The following MRAS variants were observed in gnomAD, a reference collection of about 807,000 sequenced individuals.
The protein encoded by MRAS is muscle RAS oncogene homolog.
Under a neutral mutation model 20.9 loss-of-function variants are expected in MRAS, and 4 were observed. The observed-to-expected ratio is 0.19, with a 90% confidence interval of 0.09 to 0.44. The LOEUF (loss-of-function observed/expected upper bound fraction) is 0.44, where lower values mean the gene tolerates loss of function less well. Ranked by LOEUF, MRAS falls within the 20% of genes least tolerant of loss-of-function variation. The probability of loss-of-function intolerance (pLI) is 0.99; values close to 1 mark genes in which losing one functional copy is unlikely to be tolerated. For missense variants in MRAS, 154 were observed against 277.5 expected (o/e 0.56, Z 3.16); for synonymous variants, 98 against 102.9 (o/e 0.95, Z 0.29).
intron 1 of MRAS, among the ~76,000 whole-genome samples, chr3:138,363,765 G>A (rs1286272302): frequency 2.0e-5 from 3 of 149,904 alleles, no homozygotes. Flanking sequence ...ATTTTTCTCT[G>A]GGCTCAGGTA....
At chr3:138,384,627 G>A (rs552318436) in intron 2 of MRAS, among the ~76,000 whole-genome samples, 1 of 152,248 alleles carries the variant, frequency 6.6e-6, no homozygotes, top group South Asian at 2.1e-4. Flanking sequence ...AAGTCAGGGT[G>A]GCAGCTGGAT....
At chr3:138,367,306 G>A (rs1446768396) in intron 1 of MRAS, among the ~76,000 whole-genome samples, 2 of 152,130 alleles carry the variant, frequency 1.3e-5, no homozygotes, top group Admixed American at 1.3e-4. Flanking sequence ...CTGTTTTATA[G>A]ATGGGGAAAC....
chr3:138,396,907 G>T (rs1028464804), intron 2 of MRAS, among the ~76,000 whole-genome samples: 1 of 152,142 alleles, frequency 6.6e-6, no homozygotes, highest in African/African-American at 2.4e-5. Flanking sequence ...GGAGGAAAGG[G>T]GAAGCTCAGA....
rs141889776 is a variant in MRAS at position 138,402,251 on chromosome 3, G to A, written c.609G>A (p.Leu203=). 1.4e-5 allele frequency: 22 copies of A among 1,614,074 alleles called. No individual in the cohort carries two copies. In the African/African-American group the frequency reaches 2.9e-4, roughly 22 times the overall value. Residue 203 remains leucine, a synonymous_variant, in exon 6 of 6, where the codon CTG becomes CTA. Transcript: ENST00000423968. ...ACCGGGCCACAGGCACCCACAAACT[G>A]CAATGTGTGATCTTGTGACAGGCCT... ...RGDRATGTHK[L]QCVIL is the part of the protein sequence containing the mutation.
At chr3:138,368,302 G>A (rs551593918) in intron 1 of MRAS, among the ~76,000 whole-genome samples, 35 of 152,274 alleles carry the variant, frequency 2.3e-4, no homozygotes, top group African/African-American at 8.2e-4. Context: ...ATGTGTGAGT[G>A]TGTATATGTG....
chr3:138,390,095 G>A (rs1035547585), intron 2 of MRAS, among the ~76,000 whole-genome samples: 2 of 138,974 alleles, frequency 1.4e-5, no homozygotes, highest in Non-Finnish European at 3.1e-5. Context: ...GCAGAGAAAA[G>A]GGGGAGAGGT....
At chr3:138,370,282 G>A (rs1479346310) in intron 1 of MRAS, among the ~76,000 whole-genome samples, 1 of 152,208 alleles carries the variant, frequency 6.6e-6, no homozygotes, top group Non-Finnish European at 1.5e-5. Flanking sequence ...CCACGCTACT[G>A]CACTCCCGTC....
intron 1 of MRAS, among the ~76,000 whole-genome samples, chr3:138,361,289 A>G (rs2054442293): frequency 6.6e-6 from 1 of 152,164 alleles, no homozygotes; most frequent in African/African-American, 2.4e-5. Context: ...CAGCTCAAGA[A>G]AGGCCTAGAA....
Position 138,403,130 on chromosome 3 carries a change from G to A in MRAS, c.*861G>A, listed in dbSNP as rs1455952088. ...GGAAATGTATAAACTAAAGTAAGCT[G>A]ATTGGCTTTGCAAACATGTTCATTT... On this transcript the variant is annotated 3_prime_UTR_variant, in exon 6 of 6. Coordinates refer to ENST00000423968, the MANE Select transcript of MRAS (RefSeq NM_001085049.3). The A allele has an allele frequency of 6.6e-6, 1 of 152,212 alleles. No individual in the cohort carries two copies. Among genetic ancestry groups the A allele is most frequent in the Admixed American group, 6.5e-5 (1 of 15,290 alleles). 9.4% of individuals were successfully genotyped at this position (152,212 alleles called of 1,614,324 possible).
chr3:138,368,109 G>A (rs778449872), intron 1 of MRAS, among the ~76,000 whole-genome samples: 90 of 152,324 alleles, frequency 5.9e-4, no homozygotes, highest in Non-Finnish European at 8.2e-4. Flanking sequence ...GTTGGTTTCT[G>A]CGTGGATGGG....
At chr3:138,348,374 G>A (rs1386672858), upstream of MRAS, 5 of 152,208 alleles carry the variant, frequency 3.3e-5, no homozygotes, top group African/African-American at 7.2e-5. Flanking sequence ...CCAGCCCCTG[G>A]CGCTCTAGCG....
rs1474926818 is a variant in MRAS, at chr3:138,403,438, A to G, written c.*1169A>G. On this transcript the variant is annotated 3_prime_UTR_variant, in exon 6 of 6. Transcript: ENST00000423968. The stretch of plus-strand genomic sequence containing the variant: ...TTGGAGTCAACTGACTACCACCTCT[A>G]TAAGCCTAGTCAATGAGCAGACCCC... 1 of 152,386 alleles carries G rather than the reference A, an allele frequency of 6.6e-6. No homozygotes were observed. Among genetic ancestry groups the G allele is most frequent in the Non-Finnish European group, 1.5e-5 (1 of 68,074 alleles). 9.4% of individuals were successfully genotyped at this position (152,386 alleles called of 1,614,324 possible).
rs2055386697 is a variant in MRAS at position 138,402,710 on chromosome 3, T to A, written c.*441T>A. 1 of 155,766 alleles carries A rather than the reference T, an allele frequency of 6.4e-6. No individual in the cohort carries two copies. The highest frequency in any genetic ancestry group is 6.5e-5 in the Admixed American group (1 of 15,464). The allele number at this position is 155,766 out of a possible 1,614,324, so 9.6% of individuals were successfully genotyped here. Reference sequence around the variant, plus strand: ...TGGATGTCTTTTATAGATTTTTAAATTATTTTAGTGATTATTATTTTATTA... The same window carrying A: ...TGGATGTCTTTTATAGATTTTTAAAATATTTTAGTGATTATTATTTTATTA... On this transcript the variant is annotated 3_prime_UTR_variant, in exon 6 of 6. Transcript: ENST00000423968.
chr3:138,348,480 G>A (rs6790398), upstream of MRAS: 91,288 of 151,944 alleles, frequency 0.6, 28,214 homozygotes, highest in East Asian at 0.74. Flanking sequence ...ACAGGGTCGA[G>A]GCACCCGGCC....
intron 1 of MRAS, among the ~76,000 whole-genome samples, chr3:138,363,213 C>T (rs1256682046): frequency 6.6e-6 from 1 of 151,978 alleles, no homozygotes; most frequent in African/African-American, 2.4e-5. Context: ...CAGGTGCCTG[C>T]CACCATGCCT....
intron 2 of MRAS, among the ~76,000 whole-genome samples, chr3:138,395,841 A>G (rs1325873155): frequency 1.3e-5 from 2 of 152,226 alleles, no homozygotes; most frequent in African/African-American, 4.8e-5. Flanking sequence ...GACATTCCTT[A>G]AATGAATGAC....
Position 138,402,551 on chromosome 3 carries a change from T to A in MRAS, c.*282T>A. 1 of 379,750 alleles carries A rather than the reference T, an allele frequency of 2.6e-6. No individual in the cohort carries two copies. Among genetic ancestry groups the A allele is most frequent in the African/African-American group, 2.4e-5 (1 of 40,964 alleles). The allele number at this position is 379,750 out of a possible 1,614,324, so 23.5% of individuals were successfully genotyped here. ...GTTGATTCAACCCGGTTCCTCCCCC[T>A]CTCTCGGTGGGTGTGTTGTTTATTG... is the stretch of plus-strand genomic sequence containing the variant. On this transcript the variant is annotated 3_prime_UTR_variant, in exon 6 of 6. Transcript: ENST00000423968.
chr3:138,364,008 A>C (rs1352303384), intron 1 of MRAS, among the ~76,000 whole-genome samples: 1 of 152,170 alleles, frequency 6.6e-6, no homozygotes, highest in Non-Finnish European at 1.5e-5. Flanking sequence ...AAAAGAAGGC[A>C]TCTGAGGAGC....
At chr3:138,391,817 A>G (rs2055137154) in intron 2 of MRAS, among the ~76,000 whole-genome samples, 1 of 152,208 alleles carries the variant, frequency 6.6e-6, no homozygotes, top group African/African-American at 2.4e-5. Context: ...GGCCTCTAAT[A>G]TATGGCCAAA....
Sources: gnomAD v4.1 joint callset for allele counts (sites outside exome capture counted in the v4.1 genomes callset) on GRCh38, gnomAD v4.1.1 for gene constraint, MANE v1.5 for transcripts, NCBI Gene and HGNC (gene_info 2026-07-23, HGNC 2026-07-21) for gene names.